Variants in GLIS3 observed in about 807,000 individuals in gnomAD.
The protein encoded by GLIS3 is GLIS family zinc finger 3, also known as zinc finger protein GLIS3.
A neutral mutation model predicts 78.6 loss-of-function variants in GLIS3; 53 were observed. That is an observed-to-expected ratio of 0.67 (90% CI 0.54 to 0.85). The LOEUF (loss-of-function observed/expected upper bound fraction) is 0.85. GLIS3 is among the 40% of genes least tolerant of loss of function. The pLI, the probability that GLIS3 is intolerant of heterozygous loss-of-function variation, is 0.00. For synonymous variants in GLIS3, 684 were observed against 509.9 expected, an observed-to-expected ratio of 1.34 and a Z score of -4.60; for missense variants, 1,703 against 1,231.1, an observed-to-expected ratio of 1.38 and a Z score of -5.74.
intron 4 of GLIS3, among the ~76,000 whole-genome samples, chr9:4,100,360 T>G (rs572534924): frequency 6.6e-6 from 1 of 152,022 alleles, no homozygotes; most frequent in African/African-American, 2.4e-5. Context: ...TCTGGAAACA[T>G]GAGAGAGAGT....
At chr9:4,335,676 G>A (rs1382829341) in intron 2 of GLIS3, among the ~76,000 whole-genome samples, 1 of 152,122 alleles carries the variant, frequency 6.6e-6, no homozygotes, top group African/African-American at 2.4e-5. Context: ...ACGGCTTAGG[G>A]TTTTAGTTTA....
chr9:4,034,087 G>C, intron 4 of GLIS3, among the ~76,000 whole-genome samples: 1 of 151,968 alleles, frequency 6.6e-6, no homozygotes, highest in East Asian at 1.9e-4. Context: ...AAATTGGCTG[G>C]GCATGGTGGT....
the GLIS3 span, among the ~76,000 whole-genome samples, chr9:4,413,942 G>A: frequency 2.3e-4 from 35 of 152,140 alleles, no homozygotes; most frequent in South Asian, 7.1e-3. Flanking sequence ...CTATACCCAA[G>A]GTTATCATAT....
At chr9:4,387,253 G>T in the GLIS3 span, among the ~76,000 whole-genome samples, 1 of 152,032 alleles carries the variant, frequency 6.6e-6, no homozygotes, top group Non-Finnish European at 1.5e-5. Context: ...GGTTTGTTGG[G>T]GCCTAGTGTA....
intron 4 of GLIS3, among the ~76,000 whole-genome samples, chr9:4,008,604 TG>T (rs1286150495): frequency 6.6e-6 from 1 of 152,166 alleles, no homozygotes; most frequent in African/African-American, 2.4e-5. Flanking sequence ...GGCCAGCTGG[TG>T]ACTCTCAGAA....
chr9:3,871,313 T>C (rs961249482), intron 8 of GLIS3, among the ~76,000 whole-genome samples: 1 of 152,198 alleles, frequency 6.6e-6, no homozygotes, highest in African/African-American at 2.4e-5. Flanking sequence ...TTGGTGGATC[T>C]ACCATTCTGG....
chr9:3,915,984 A>C (rs771642772), intron 6 of GLIS3, among the ~76,000 whole-genome samples: 1 of 152,222 alleles, frequency 6.6e-6, no homozygotes, highest in Non-Finnish European at 1.5e-5. Flanking sequence ...AAAAGAAAGA[A>C]AATCAGATTT....
intron 2 of GLIS3, among the ~76,000 whole-genome samples, chr9:4,153,293 G>A (rs528296908): frequency 6.6e-6 from 1 of 152,210 alleles, no homozygotes; most frequent in Non-Finnish European, 1.5e-5. Context: ...GCTGTGCATG[G>A]TGGCTCACAC....
At chr9:4,409,192 A>C in the GLIS3 span, among the ~76,000 whole-genome samples, 1 of 152,102 alleles carries the variant, frequency 6.6e-6, no homozygotes, top group Non-Finnish European at 1.5e-5. Flanking sequence ...GAGCACTGAG[A>C]CCATTCTTTT....
At chr9:3,906,706 A>G (rs1292829838) in intron 6 of GLIS3, among the ~76,000 whole-genome samples, 4 of 152,138 alleles carry the variant, frequency 2.6e-5, no homozygotes, top group Non-Finnish European at 5.9e-5. Flanking sequence ...CCATCCTGTG[A>G]TATCAAATGG....
the GLIS3 span, among the ~76,000 whole-genome samples, chr9:4,358,517 G>C: frequency 1.3e-5 from 2 of 152,104 alleles, no homozygotes; most frequent in Non-Finnish European, 2.9e-5. Flanking sequence ...GCATTTTTGT[G>C]TACCTACTAT....
the GLIS3 span, among the ~76,000 whole-genome samples, chr9:4,421,829 C>A: frequency 6.6e-6 from 1 of 152,202 alleles, no homozygotes; most frequent in Admixed American, 6.5e-5. Flanking sequence ...ATATATTCTA[C>A]TGCGGGAATT....
intron 7 of GLIS3, among the ~76,000 whole-genome samples, chr9:3,886,187 A>T (rs777827227): frequency 4.2e-4 from 64 of 152,214 alleles, no homozygotes; most frequent in Non-Finnish European, 3.5e-4. Context: ...TAAACTACAG[A>T]TGGAAGAATT....
chr9:3,941,386 TA>T (rs1815906554), intron 4 of GLIS3, among the ~76,000 whole-genome samples: 1 of 152,014 alleles, frequency 6.6e-6, no homozygotes, highest in African/African-American at 2.4e-5. Flanking sequence ...TTATTTTTTT[TA>T]AAATTATACT....
At chr9:4,069,740 G>C (rs1342515787) in intron 4 of GLIS3, among the ~76,000 whole-genome samples, 1 of 152,038 alleles carries the variant, frequency 6.6e-6, no homozygotes, top group East Asian at 1.9e-4. Context: ...ATTTAGTCAA[G>C]AGCCTTTTAC....
chr9:4,143,625 A>G (rs1411497030), intron 2 of GLIS3, among the ~76,000 whole-genome samples: 1 of 152,208 alleles, frequency 6.6e-6, no homozygotes, highest in African/African-American at 2.4e-5. Context: ...TAAACAATAC[A>G]GTATTGTCAA....
At chr9:4,028,380 T>G (rs916942971) in intron 4 of GLIS3, among the ~76,000 whole-genome samples, 11 of 152,208 alleles carry the variant, frequency 7.2e-5, no homozygotes, top group African/African-American at 1.9e-4. Flanking sequence ...CTTCTCTCCT[T>G]GGGACCAAAG....
chr9:4,261,019 A>C (rs1345054259), intron 2 of GLIS3, among the ~76,000 whole-genome samples: 1 of 152,222 alleles, frequency 6.6e-6, no homozygotes, highest in Non-Finnish European at 1.5e-5. Context: ...TCTACAGGTC[A>C]ACACTGCTCT....
At chr9:4,054,401 A>C (rs1196459646) in intron 4 of GLIS3, 2 of 985,214 alleles carry the variant, frequency 2.0e-6, no homozygotes, top group Non-Finnish European at 1.2e-6. Context: ...CAGAGGAACC[A>C]TCTGAATTTA....
Sources: gnomAD v4.1 joint callset for allele counts (sites outside exome capture counted in the v4.1 genomes callset) on GRCh38, gnomAD v4.1.1 for gene constraint, MANE v1.5 for transcripts, NCBI Gene and HGNC (gene_info 2026-07-23, HGNC 2026-07-21) for gene names.